Variants in NOTCH2NLB observed in about 807,000 individuals in gnomAD.
NOTCH2NLB encodes the protein notch 2 N-terminal like B, also known as notch homolog 2 N-terminal-like protein B.
In NOTCH2NLB, 1 loss-of-function variant was observed where a neutral mutation model predicts 14.8. The ratio of observed to expected loss-of-function variants is 0.07; its 90% CI spans 0.02 to 0.32. The LOEUF (loss-of-function observed/expected upper bound fraction) is 0.32. NOTCH2NLB is among the 10% of genes least tolerant of loss of function. The pLI is 1.00. For missense variants in NOTCH2NLB, 11 were observed against 155.0 expected (o/e 0.07, Z 4.93); for synonymous variants, 6 against 57.5 (o/e 0.10, Z 4.05).
chr1:148,637,108 G>A (rs1281978541), intron 2 of NOTCH2NLB, among the ~76,000 whole-genome samples: 14 of 131,784 alleles, frequency 1.1e-4, no homozygotes, highest in South Asian at 2.5e-4. Context: ...TCGCTCTGTC[G>A]CTCAGGCTGG....
intron 1 of NOTCH2NLB, among the ~76,000 whole-genome samples, chr1:148,660,449 T>A (rs1406978050): frequency 1.4e-5 from 2 of 145,180 alleles, no homozygotes; most frequent in East Asian, 3.9e-4. Flanking sequence ...CTTAATTCTG[T>A]CAATAGAATA....
intron 3 of NOTCH2NLB, among the ~76,000 whole-genome samples, chr1:148,614,836 A>C (rs1358407143): frequency 2.2e-4 from 1 of 4,556 alleles, no homozygotes; most frequent in African/African-American, 4.5e-4. Flanking sequence ...TCAGCAAGCT[A>C]ATGAAGACAG....
the NOTCH2NLB span, among the ~76,000 whole-genome samples, chr1:148,685,909 C>A: frequency 1.0e-5 from 1 of 98,852 alleles, no homozygotes; most frequent in Non-Finnish European, 2.0e-5. Flanking sequence ...TGGCTGGAAA[C>A]AGGTATTTAT....
In NOTCH2NLB at chr1:148,679,723, G is replaced by T. The variant is rs1664898628; in HGVS notation, c.-259C>A. ...CGGAGTCCGCCGCTCCTCGGCCGCC[G>T]CCTCAGCCGCCCGAAGTTTGGCTGA... On this transcript the variant is annotated 5_prime_UTR_variant, in exon 1 of 5. Transcript: ENST00000593495. 6.0e-6 allele frequency: 6 copies of T among 1,001,680 alleles called. 1 individual carries two copies. The highest frequency in any genetic ancestry group is 6.3e-6 in the Non-Finnish European group (5 of 793,652). 62.0% of individuals were successfully genotyped at this position (1,001,680 alleles called of 1,614,324 possible).
intron 2 of NOTCH2NLB, among the ~76,000 whole-genome samples, chr1:148,638,676 T>C (rs1664272712): frequency 1.3e-5 from 2 of 149,406 alleles, no homozygotes; most frequent in African/African-American, 5.0e-5. Context: ...AGCTTTACTG[T>C]CATCACAGCT....
chr1:148,686,761 G>T, the NOTCH2NLB span, among the ~76,000 whole-genome samples: 1 of 65,850 alleles, frequency 1.5e-5, no homozygotes, highest in African/African-American at 4.2e-5. Context: ...TCTGGTAGCC[G>T]CCAGAAGCTA....
chr1:148,645,819 T>TA (rs1664358830), intron 1 of NOTCH2NLB, among the ~76,000 whole-genome samples: 1 of 150,820 alleles, frequency 6.6e-6, no homozygotes, highest in South Asian at 2.1e-4. Flanking sequence ...CAGGGTCTTC[T>TA]AGCTCTCTGC....
At chr1:148,645,478 T>A (rs1255477981) in intron 1 of NOTCH2NLB, among the ~76,000 whole-genome samples, 1 of 141,274 alleles carries the variant, frequency 7.1e-6, no homozygotes, top group African/African-American at 2.6e-5. Context: ...CATTTCTTAC[T>A]TTAACCAGTC....
chr1:148,638,811 G>A (rs1299291642), intron 2 of NOTCH2NLB, among the ~76,000 whole-genome samples: 6 of 147,518 alleles, frequency 4.1e-5, no homozygotes, highest in African/African-American at 1.3e-4. Flanking sequence ...TTACATTCCT[G>A]GTAAGAAATA....
chr1:148,693,315 A>C, the NOTCH2NLB span, among the ~76,000 whole-genome samples: 1 of 152,054 alleles, frequency 6.6e-6, no homozygotes, highest in Admixed American at 6.5e-5. Flanking sequence ...GCCTTTCCCC[A>C]TCTCTGTGCA....
intron 2 of NOTCH2NLB, among the ~76,000 whole-genome samples, chr1:148,622,679 G>A (rs1461215523): frequency 3.6e-4 from 20 of 55,192 alleles, no homozygotes; most frequent in Non-Finnish European, 5.5e-4. Context: ...ATAACGCTCC[G>A]ACTCATACCC....
chr1:148,638,566 T>C (rs1158117455), intron 2 of NOTCH2NLB, among the ~76,000 whole-genome samples: 1 of 149,502 alleles, frequency 6.7e-6, no homozygotes, highest in East Asian at 1.9e-4. Flanking sequence ...CATGTTTTTT[T>C]TCCCCCAGCT....
At chr1:148,651,265 C>CATCA (rs1664508122) in intron 1 of NOTCH2NLB, among the ~76,000 whole-genome samples, 1 of 92,104 alleles carries the variant, frequency 1.1e-5, no homozygotes, top group Non-Finnish European at 2.2e-5. Flanking sequence ...CTATGTCCCA[C>CATCA]ATCAACACAA....
chr1:148,610,026 G>A lies in NOTCH2NLB; in HGVS notation c.338-2281C>T, dbSNP rs1401466927. Among the ~76,000 whole-genome samples the A allele has an allele frequency of 2.1e-5, 3 of 143,614 alleles. 1 individual carries two copies. The allele number at this position is 143,614 out of a possible 152,430, so 94.2% of individuals were successfully genotyped here. On this transcript the variant is annotated intron_variant, in intron 3 of 4. Coordinates refer to ENST00000593495, the Ensembl canonical transcript of NOTCH2NLB. The stretch of plus-strand genomic sequence containing the variant: ...CCCCGGACCGGAAGTGGTGGCTGAT[G>A]CCTGTAATCCCAGCACTTTGGGAGG...
chr1:148,670,092 A>G (rs1365775929), intron 1 of NOTCH2NLB, among the ~76,000 whole-genome samples: 4 of 82,204 alleles, frequency 4.9e-5, no homozygotes, highest in Non-Finnish European at 1.1e-4. Context: ...TACAGAAAAT[A>G]GCAGTTAACA....
intron 1 of NOTCH2NLB, among the ~76,000 whole-genome samples, chr1:148,651,162 A>AATATATAT (rs1218372509): frequency 7.4e-4 from 34 of 46,000 alleles, no homozygotes; most frequent in East Asian, 1.8e-3. Context: ...AAAAAAAAAA[A>AATATATAT]ATATATATAT....
At chr1:148,674,046 G>A (rs1422116287) in intron 1 of NOTCH2NLB, among the ~76,000 whole-genome samples, 1 of 34,116 alleles carries the variant, frequency 2.9e-5, no homozygotes, top group East Asian at 8.3e-4. Context: ...TATGAAACAA[G>A]TAGGGCTAAG....
the NOTCH2NLB span, among the ~76,000 whole-genome samples, chr1:148,693,091 C>T: frequency 2.8e-5 from 2 of 70,784 alleles, no homozygotes; most frequent in South Asian, 4.8e-4. Context: ...GAGAGCCGCC[C>T]CCCCCCCCCC....
At chr1:148,686,726 TAAAAA>T in the NOTCH2NLB span, among the ~76,000 whole-genome samples, 3 of 76,526 alleles carry the variant, frequency 3.9e-5, 1 homozygote, top group South Asian at 1.2e-3. Flanking sequence ...CCTTTAAGAT[TAAAAA>T]AAAAAAAAAA....
Sources: gnomAD v4.1 joint callset for allele counts (sites outside exome capture counted in the v4.1 genomes callset) on GRCh38, gnomAD v4.1.1 for gene constraint, MANE v1.5 for transcripts, NCBI Gene and HGNC (gene_info 2026-07-23, HGNC 2026-07-21) for gene names.